Variants in ANKRD30A observed in about 807,000 individuals in gnomAD.
The protein encoded by ANKRD30A is ankyrin repeat domain-containing protein 30A.
A neutral mutation model predicts 166.3 loss-of-function variants in ANKRD30A; 170 were observed. The observed-to-expected ratio is 1.02, with a 90% CI of 0.90 to 1.16. The LOEUF (loss-of-function observed/expected upper bound fraction) is 1.16, where lower values mean the gene tolerates loss of function less well. Ranked by LOEUF, ANKRD30A falls within the 50% of genes most tolerant of loss-of-function variation. The probability of loss-of-function intolerance (pLI) is 0.00; values close to 1 mark genes in which losing one functional copy is unlikely to be tolerated. For missense variants in ANKRD30A, 1,630 were observed against 1,518.0 expected (o/e 1.07, Z -1.23); for synonymous variants, 564 against 508.9 (o/e 1.11, Z -1.46).
Position 37,149,817 on chromosome 10 carries a change from T to C in ANKRD30A, c.1613T>C (p.Phe538Ser). The change falls in exon 11 of 36, where the codon TTT becomes TCT. Residue 538 changes from phenylalanine to serine, a missense_variant. Physicochemically the swap from Phe to Ser is radical, Grantham distance 155. Around this residue, in one of 4 missense-constraint regions of ANKRD30A, gnomAD observed 904 missense variants for 818.5 expected, o/e 1.10. Transcript: ENST00000361713. ...EMQNSVPNKAFELKNEQTLRA... is the reference protein window; with the variant it reads ...EMQNSVPNKASELKNEQTLRA... ...CAAAACTCTGTTCCAAATAAAGCCTTTGAATTGAAGAATGAACAAACATTG... is the reference window on the plus strand; with the variant it reads ...CAAAACTCTGTTCCAAATAAAGCCTCTGAATTGAAGAATGAACAAACATTG... 1 of 1,612,890 alleles carries C rather than the reference T, an allele frequency of 6.2e-7. No homozygotes were observed. The highest frequency in any genetic ancestry group is 8.5e-7 in the Non-Finnish European group (1 of 1,179,120).
chr10:37,134,113 A>C, intron 5 of ANKRD30A, 60 bp downstream of exon 5: 1 of 1,582,014 alleles, frequency 6.3e-7, no homozygotes, highest in Non-Finnish European at 8.6e-7. Flanking sequence ...GTAGTTTTTG[A>C]ATTACAGTGA....
chr10:37,131,136 T>A, intron 3 of ANKRD30A, among the ~76,000 whole-genome samples: 1 of 146,324 alleles, frequency 6.8e-6, no homozygotes, highest in Middle Eastern at 4.0e-3. Context: ...ATGGTTATAT[T>A]TGAAAGGTTA....
intron 31 of ANKRD30A, among the ~76,000 whole-genome samples, chr10:37,202,267 C>G (rs1388549535): frequency 6.6e-6 from 1 of 152,082 alleles, no homozygotes; most frequent in Non-Finnish European, 1.5e-5. Context: ...TGTAAAAGAA[C>G]AGAAATTATC....
the ANKRD30A span, among the ~76,000 whole-genome samples, chr10:37,252,799 C>T: frequency 2.6e-5 from 4 of 151,826 alleles, no homozygotes; most frequent in East Asian, 1.9e-4. Context: ...GTATTAAAGG[C>T]GCTAATATAT....
rs1215528491 is a variant in ANKRD30A, at chr10:37,155,082, AT to A, written c.1798+1424del. Among the ~76,000 whole-genome samples, 3 of 152,294 alleles carry A rather than the reference AT, an allele frequency of 2.0e-5. No individual in the cohort carries two copies. In the East Asian group the frequency reaches 5.8e-4, roughly 29 times the overall value. ...TAACATGATACACGAAACCAGACTA[AT>A]TTTAAAAACCATAAAATTCTGAATT... On this transcript the variant is annotated intron_variant, in intron 13 of 35. Coordinates refer to ENST00000361713, the MANE Select transcript of ANKRD30A (RefSeq NM_052997.3).
At chr10:37,248,192 TC>T in the ANKRD30A span, 1 of 634,130 alleles carries the variant, frequency 1.6e-6, no homozygotes. Context: ...TGCTCAGGTT[TC>T]CCCAGCTCTA....
At chr10:37,209,005 G>C (rs745915872) in intron 31 of ANKRD30A, among the ~76,000 whole-genome samples, 4 of 151,974 alleles carry the variant, frequency 2.6e-5, no homozygotes, top group Non-Finnish European at 4.4e-5. Flanking sequence ...TCTTTTCATA[G>C]CTTGATAGTT....
intron 13 of ANKRD30A, among the ~76,000 whole-genome samples, chr10:37,156,087 A>AAC (rs1019378444): frequency 2.0e-5 from 3 of 152,018 alleles, no homozygotes; most frequent in African/African-American, 7.3e-5. Flanking sequence ...TCAAAAAAAA[A>AAC]AAAAAATCAT....
chr10:37,165,972 C>A (rs1452316077), intron 18 of ANKRD30A, among the ~76,000 whole-genome samples: 1 of 152,092 alleles, frequency 6.6e-6, no homozygotes, highest in Admixed American at 6.6e-5. Context: ...TGTTTTCTTT[C>A]ATTTAGATGT....
chr10:37,178,330 C>G (rs1281205146), intron 24 of ANKRD30A: 1 of 225,070 alleles, frequency 4.4e-6, no homozygotes, highest in Non-Finnish European at 7.5e-6. Context: ...TCTGCACGGC[C>G]ACACATGTAT....
At chr10:37,151,484 G>A (rs1209426756) in intron 11 of ANKRD30A, among the ~76,000 whole-genome samples, 1 of 152,032 alleles carries the variant, frequency 6.6e-6, no homozygotes, top group African/African-American at 2.4e-5. Context: ...TTCAATAAAA[G>A]TTTTTAAGCT....
intron 6 of ANKRD30A, among the ~76,000 whole-genome samples, chr10:37,141,041 A>G (rs1837063146): frequency 6.6e-6 from 1 of 152,166 alleles, no homozygotes; most frequent in Non-Finnish European, 1.5e-5. Flanking sequence ...TAAGGTACTA[A>G]GCATCTTCCT....
At chr10:37,249,431 C>T in the ANKRD30A span, among the ~76,000 whole-genome samples, 3,082 of 151,918 alleles carry the variant, frequency 0.02, 48 homozygotes, top group Non-Finnish European at 0.034. Context: ...CTAAGAATGC[C>T]TGGAAACCTC....
At position 37,193,185 on chromosome 10, in the gene ANKRD30A, G is replaced by T. The variant is rs764278893; in HGVS notation, c.2542-1G>T. The T allele has an allele frequency of 1.2e-6, 2 of 1,611,794 alleles. No individual in the cohort carries two copies. Among genetic ancestry groups the T allele is most frequent in the Non-Finnish European group, 1.7e-6 (2 of 1,179,290 alleles). On this transcript the variant is annotated splice_acceptor_variant, in intron 26 of 35. Transcript: ENST00000361713. LOFTEE classifies it high-confidence loss of function. Reference sequence around the variant, plus strand: ...ATTGTTTTGTTTCTAAACCCATTTAGGCTCCCTGCAGAATGAAAGTTTCTA... The same window carrying T: ...ATTGTTTTGTTTCTAAACCCATTTATGCTCCCTGCAGAATGAAAGTTTCTA...
At chr10:37,190,787 A>C (rs888252212) in intron 25 of ANKRD30A, among the ~76,000 whole-genome samples, 3 of 151,778 alleles carry the variant, frequency 2.0e-5, no homozygotes, top group African/African-American at 7.3e-5. Flanking sequence ...GTGACTCATT[A>C]ATAATCTTTA....
the ANKRD30A span, among the ~76,000 whole-genome samples, chr10:37,256,067 G>A: frequency 1.2e-4 from 18 of 152,224 alleles, no homozygotes; most frequent in Non-Finnish European, 2.1e-4. Flanking sequence ...CTCATCAAGC[G>A]CTGTCTGTAT....
chr10:37,244,246 G>T, the ANKRD30A span, among the ~76,000 whole-genome samples: 1 of 152,088 alleles, frequency 6.6e-6, no homozygotes. Flanking sequence ...AGGATTAATT[G>T]TCCTACATCA....
At chr10:37,148,565 G>T (rs2132549643) in intron 9 of ANKRD30A, among the ~76,000 whole-genome samples, 1 of 152,052 alleles carries the variant, frequency 6.6e-6, no homozygotes, top group South Asian at 2.1e-4. Context: ...CTCTGAGAAG[G>T]ACAGTTCAGT....
chr10:37,145,956 T>C (rs944786173), intron 8 of ANKRD30A, among the ~76,000 whole-genome samples: 34 of 152,410 alleles, frequency 2.2e-4, no homozygotes, highest in African/African-American at 8.2e-4. Flanking sequence ...AGAAATTATT[T>C]TTACAGATAG....
Sources: allele counts gnomAD v4.1 joint callset (sites outside exome capture counted in the v4.1 genomes callset), GRCh38; gene constraint gnomAD v4.1.1; regional missense constraint gnomAD v4.1.1; transcripts MANE v1.5; gene names NCBI Gene and HGNC (gene_info 2026-07-23, HGNC 2026-07-21).